The following CAST variants were observed in gnomAD, a reference collection of about 807,000 sequenced individuals.
CAST encodes calpastatin.
Under a neutral mutation model 119.6 loss-of-function variants are expected in CAST, and 76 were observed. The ratio of observed to expected loss-of-function variants is 0.64; its 90% confidence interval spans 0.53 to 0.77. The LOEUF (loss-of-function observed/expected upper bound fraction) is 0.77, where lower values mean the gene tolerates loss of function less well. CAST is among the 30% of genes least tolerant of loss of function. CAST has a pLI of 0.00. For synonymous variants in CAST, 319 were observed against 331.6 expected, an observed-to-expected ratio of 0.96 and a Z score of 0.41; for missense variants, 953 against 946.5, an observed-to-expected ratio of 1.01 and a Z score of -0.09.
chr5:96,747,074 AC>A (rs1448246575), intron 17 of CAST, among the ~76,000 whole-genome samples: 2 of 152,228 alleles, frequency 1.3e-5, no homozygotes, highest in South Asian at 2.1e-4. Context: ...TTGCCAAAGA[AC>A]TTTTTTTTCC....
At chr5:96,057,068 T>C in the CAST span, among the ~76,000 whole-genome samples, 2 of 152,152 alleles carry the variant, frequency 1.3e-5, no homozygotes, top group East Asian at 3.8e-4. Flanking sequence ...AAGAAAGTGA[T>C]GTATGGAAGA....
chr5:96,171,931 C>A, the CAST span, among the ~76,000 whole-genome samples: 1 of 152,032 alleles, frequency 6.6e-6, no homozygotes, highest in African/African-American at 2.4e-5. Flanking sequence ...CACCCCCCCA[C>A]GCCCCTGATC....
intron 1 of CAST, among the ~76,000 whole-genome samples, chr5:96,608,748 A>G (rs751518552): frequency 6.6e-6 from 1 of 152,190 alleles, no homozygotes; most frequent in Non-Finnish European, 1.5e-5. Flanking sequence ...TACAGGAAGC[A>G]TGACTGGGAA....
chr5:96,482,797 T>A, the CAST span, among the ~76,000 whole-genome samples: 2 of 152,180 alleles, frequency 1.3e-5, no homozygotes, highest in East Asian at 3.9e-4. Context: ...AGAATTGAAG[T>A]GCTAGAGAGA....
the CAST span, among the ~76,000 whole-genome samples, chr5:96,102,726 T>TG: frequency 1.3e-5 from 2 of 151,248 alleles, no homozygotes; most frequent in Non-Finnish European, 3.0e-5. Context: ...TCTTGGGGTT[T>TG]TTTTTTTTTT....
At chr5:96,469,293 CTAATT>C in the CAST span, among the ~76,000 whole-genome samples, 14 of 152,050 alleles carry the variant, frequency 9.2e-5, no homozygotes, top group Admixed American at 9.2e-4. Flanking sequence ...CTATACAACT[CTAATT>C]TGAGAGTCTA....
intron 1 of CAST, among the ~76,000 whole-genome samples, chr5:96,611,762 C>A (rs778543541): frequency 9.2e-5 from 14 of 151,826 alleles, no homozygotes; most frequent in South Asian, 2.1e-4. Context: ...CAAGAAAAAA[C>A]CCATTAAAAA....
the CAST span, among the ~76,000 whole-genome samples, chr5:96,065,787 T>C: frequency 2.6e-5 from 4 of 152,162 alleles, no homozygotes; most frequent in Non-Finnish European, 4.4e-5. Flanking sequence ...GCTCTGCCCC[T>C]GCTGTGGGCC....
In CAST at chr5:96,662,376, A is replaced by G. The variant is rs748702197; in HGVS notation, c.-47A>G. On this transcript the variant is annotated 5_prime_UTR_variant, in exon 1 of 32. Coordinates refer to ENST00000675179, the MANE Select transcript of CAST (RefSeq NM_001750.7). ...GGACTCCCCGCCAGGCCTCCCCGCC[A>G]CTCTCCGCGGCGCATTCCGGGAGGC... 2 of 1,127,840 alleles carry G rather than the reference A, an allele frequency of 1.8e-6. No individual in the cohort carries two copies. The highest frequency in any genetic ancestry group is 1.6e-5 in the South Asian group (1 of 62,176). The allele number at this position is 1,127,840 out of a possible 1,614,324, so 69.9% of individuals were successfully genotyped here. A position where few individuals can be genotyped will look rare whatever the true frequency, so the allele number is the denominator to read the frequency against.
At chr5:96,767,538 G>T (rs1770432458) in intron 28 of CAST, 56 bp downstream of exon 28, 1 of 1,387,330 alleles carries the variant, frequency 7.2e-7, no homozygotes, top group Non-Finnish European at 1.0e-6. Flanking sequence ...AGCCATAGGG[G>T]TATTTGGCAT....
the CAST span, among the ~76,000 whole-genome samples, chr5:96,310,239 G>A: frequency 6.6e-6 from 1 of 152,086 alleles, no homozygotes; most frequent in African/African-American, 2.4e-5. Flanking sequence ...ACATTTATTG[G>A]TTTGTGAGTG....
the CAST span, among the ~76,000 whole-genome samples, chr5:96,300,170 A>G: frequency 6.6e-6 from 1 of 152,176 alleles, no homozygotes. Flanking sequence ...ACTATAAAAC[A>G]TTATTTCACA....
the CAST span, among the ~76,000 whole-genome samples, chr5:96,454,220 T>C: frequency 6.6e-6 from 1 of 152,226 alleles, no homozygotes; most frequent in African/African-American, 2.4e-5. Context: ...TGTTACCTTA[T>C]TAATCCTGAT....
intron 1 of CAST, among the ~76,000 whole-genome samples, chr5:96,602,260 T>C (rs1309501188): frequency 6.6e-6 from 1 of 150,656 alleles, no homozygotes; most frequent in Non-Finnish European, 1.5e-5. Flanking sequence ...AATAATTCCA[T>C]GCAGTGATTG....
At chr5:96,346,554 T>C in the CAST span, among the ~76,000 whole-genome samples, 1 of 152,136 alleles carries the variant, frequency 6.6e-6, no homozygotes, top group Non-Finnish European at 1.5e-5. Context: ...GACTCCTGGA[T>C]TCGTATATTC....
chr5:96,547,650 A>G (rs1746043520), intron 1 of CAST, among the ~76,000 whole-genome samples: 1 of 152,172 alleles, frequency 6.6e-6, no homozygotes, highest in Admixed American at 6.5e-5. Context: ...AGTAGTTGAC[A>G]TATAAAATTA....
At chr5:96,131,942 G>A in the CAST span, among the ~76,000 whole-genome samples, 1 of 152,130 alleles carries the variant, frequency 6.6e-6, no homozygotes, top group South Asian at 2.1e-4. Flanking sequence ...AGGGTACATT[G>A]AAAAGACACA....
the CAST span, among the ~76,000 whole-genome samples, chr5:96,179,117 C>T: frequency 6.6e-6 from 1 of 152,190 alleles, no homozygotes; most frequent in Non-Finnish European, 1.5e-5. Context: ...CTCTCCTTTA[C>T]AAATAAGCCT....
At chr5:95,993,026 A>C in the CAST span, among the ~76,000 whole-genome samples, 8 of 152,210 alleles carry the variant, frequency 5.3e-5, no homozygotes, top group Admixed American at 5.2e-4. Flanking sequence ...TTCATGACTT[A>C]TTATACAGCT....
Sources: gnomAD v4.1 joint callset for allele counts (sites outside exome capture counted in the v4.1 genomes callset) on GRCh38, gnomAD v4.1.1 for gene constraint, MANE v1.5 for transcripts, NCBI Gene and HGNC (gene_info 2026-07-23, HGNC 2026-07-21) for gene names.